Variants in TMEM218 observed in about 807,000 individuals in gnomAD.
TMEM218 encodes the protein transmembrane protein 218.
Under a neutral mutation model 10.0 loss-of-function variants are expected in TMEM218, and 8 were observed. The observed-to-expected ratio is 0.80, with a 90% confidence interval of 0.47 to 1.44. The LOEUF (loss-of-function observed/expected upper bound fraction) is 1.44. TMEM218 is among the 40% of genes most tolerant of loss of function. The probability of loss-of-function intolerance (pLI) is 0.00; values close to 1 mark genes in which losing one functional copy is unlikely to be tolerated. For missense variants in TMEM218, 110 were observed against 140.1 expected, an observed-to-expected ratio of 0.79 and a Z score of 1.08; for synonymous variants, 66 against 63.5, an observed-to-expected ratio of 1.04 and a Z score of -0.18.
chr11:125,099,825 G>A (rs771730265), intron 4 of TMEM218, among the ~76,000 whole-genome samples: 2 of 151,374 alleles, frequency 1.3e-5, no homozygotes, highest in Non-Finnish European at 2.9e-5. Flanking sequence ...TCGGGAGGCT[G>A]AGGCAGGAGA....
chr11:125,101,741 G>C, intron 3 of TMEM218: 1 of 497,502 alleles, frequency 2.0e-6, no homozygotes, highest in Admixed American at 3.8e-5. Context: ...TGAAGGCAAT[G>C]CCTGATATAG....
At position 125,097,192 on chromosome 11, in the gene TMEM218, C is replaced by T. The variant is rs1949755582; in HGVS notation, c.*414G>A. ...TAACCTTTCAAATTTGAGTGCCTCT[C>T]CTTTGCAAACAACTGCAACCTCATA... On this transcript the variant is annotated 3_prime_UTR_variant, in exon 5 of 5. Coordinates refer to ENST00000682305, the MANE Select transcript of TMEM218 (RefSeq NM_001258244.2). The T allele has an allele frequency of 1.3e-5, 2 of 153,400 alleles. No homozygotes were observed. The allele number at this position is 153,400 out of a possible 1,614,324, so 9.5% of individuals were successfully genotyped here. A position where few individuals can be genotyped will look rare whatever the true frequency, so the allele number is the denominator to read the frequency against.
intron 2 of TMEM218, 43 bp downstream of exon 2, chr11:125,102,691 T>C: frequency 7.7e-7 from 1 of 1,291,428 alleles, no homozygotes; most frequent in Non-Finnish European, 1.0e-6. Flanking sequence ...AAAGCAGAAG[T>C]TGAAGCTCTC....
rs557729992 is a variant in TMEM218 at position 125,108,980 on chromosome 11, A to C, written c.-153+2559T>G. Among the ~76,000 whole-genome samples, 2 of 152,346 alleles carry C rather than the reference A, an allele frequency of 1.3e-5. No homozygotes were observed. Among genetic ancestry groups the C allele is most frequent in the East Asian group, 3.9e-4 (2 of 5,192 alleles). On this transcript the variant is annotated intron_variant, in intron 1 of 4. Transcript: ENST00000682305. This position sits in a 1 kb window ranked among gnomAD's most constrained non-coding sequence, Gnocchi z 5.3. ...TCCAAAACACCCTAAAACGGGCAGC[A>C]ACATCTTCTTGGGGAACCACTGTTC...
rs557424955 is a variant in TMEM218, at chr11:125,095,826, G to A, written c.*1780C>T. Among the ~76,000 whole-genome samples the A allele has an allele frequency of 2.0e-5, 3 of 152,188 alleles. No individual in the cohort carries two copies. The East Asian group carries it at 5.8e-4, about 29-fold the overall frequency. On this transcript the variant is annotated 3_prime_UTR_variant, in exon 5 of 5. Coordinates refer to ENST00000682305, the MANE Select transcript of TMEM218 (RefSeq NM_001258244.2). ...GATCTAATAGTTGAATAACTTTTGG[G>A]GGGAATAAAAAAGATGGATTCATGG...
chr11:125,102,056 T>G (rs1447614657), intron 3 of TMEM218, 76 bp downstream of exon 3: 2 of 1,426,320 alleles, frequency 1.4e-6, no homozygotes, highest in Non-Finnish European at 1.8e-6. Context: ...TCTTAAATTC[T>G]AAATGTTTAG....
rs527958621 is a variant in TMEM218 at position 125,108,762 on chromosome 11, G to A, written c.-153+2777C>T. ...AATACATTATGTTTATACAAAAACC[G>A]GAGTTAGGCTCTACACTCAGATAAT... On this transcript the variant is annotated intron_variant, in intron 1 of 4. Transcript: ENST00000682305. The surrounding 1 kb of genome is among the most constrained non-coding windows in gnomAD (Gnocchi z 5.3). Among the ~76,000 whole-genome samples, 2 of 152,166 alleles carry A rather than the reference G, an allele frequency of 1.3e-5. No homozygotes were observed. The highest frequency in any genetic ancestry group is 4.8e-5 in the African/African-American group (2 of 41,508).
At chr11:125,102,569 G>A in intron 2 of TMEM218, 165 bp downstream of exon 2, 1 of 1,348,888 alleles carries the variant, frequency 7.4e-7, no homozygotes, top group Non-Finnish European at 9.7e-7. Context: ...TGGTACCTGA[G>A]TTCTACTTTG....
chr11:125,111,501 CTT>C (rs747707596), intron 1 of TMEM218, 36 bp downstream of exon 1: 1 of 152,796 alleles, frequency 6.5e-6, no homozygotes, highest in Non-Finnish European at 1.5e-5. Context: ...CGACCCTCCA[CTT>C]TTCTCCCTTC....
At chr11:125,102,473 C>T in intron 2 of TMEM218, 156 bp from the exon 3 acceptor site, 1 of 1,477,154 alleles carries the variant, frequency 6.8e-7, no homozygotes. Context: ...AAATTTAGAA[C>T]CCAAAGCCTT....
intron 1 of TMEM218, chr11:125,104,131 C>A (rs975267691): frequency 1.3e-5 from 2 of 152,126 alleles, no homozygotes; most frequent in Non-Finnish European, 2.9e-5. Context: ...AGGGGCTTTA[C>A]AAAGGAAATA....
At position 125,096,386 on chromosome 11, in the gene TMEM218, AGT is replaced by A. The variant is rs1475478633; in HGVS notation, c.*1218_*1219del. Among the ~76,000 whole-genome samples the A allele has an allele frequency of 6.6e-6, 1 of 152,170 alleles. No homozygotes were observed. The highest frequency in any genetic ancestry group is 1.5e-5 in the Non-Finnish European group (1 of 68,024). ...TCTCAATCAGAGTTCCACAAACCCT[AGT>A]GTGTTTTCTCTCTGAGACAAGCCCT... is the stretch of plus-strand genomic sequence containing the variant. On this transcript the variant is annotated 3_prime_UTR_variant, in exon 5 of 5. Transcript: ENST00000682305.
chr11:125,106,539 A>C (rs1306586008), intron 1 of TMEM218, among the ~76,000 whole-genome samples: 1 of 152,216 alleles, frequency 6.6e-6, no homozygotes, highest in Non-Finnish European at 1.5e-5. Flanking sequence ...AAGAATAAAC[A>C]CTTGAGAAAG....
At chr11:125,099,873 G>A (rs145661732) in intron 4 of TMEM218, among the ~76,000 whole-genome samples, 3,808 of 142,310 alleles carry the variant, frequency 0.027, 158 homozygotes, top group African/African-American at 0.09. Flanking sequence ...GCAGTGTGCC[G>A]AGATCATGCC....
Position 125,102,124 on chromosome 11 carries a change from T to G in TMEM218, c.110+8A>C. Reference sequence around the variant, plus strand: ...ACCTAGGACTCCCAGTTGGACAGAATGCCTTACCTCGCCGCCCCGGAGGCT... The same window carrying G: ...ACCTAGGACTCCCAGTTGGACAGAAGGCCTTACCTCGCCGCCCCGGAGGCT... On this transcript the variant is annotated splice_region_variant and intron_variant, in intron 3 of 4. Transcript: ENST00000682305. 1 of 1,542,742 alleles carries G rather than the reference T, an allele frequency of 6.5e-7. No homozygotes were observed. The highest frequency in any genetic ancestry group is 8.7e-7 in the Non-Finnish European group (1 of 1,149,516).
chr11:125,107,674 GAAAC>G (rs980261990), intron 1 of TMEM218, among the ~76,000 whole-genome samples: 3 of 152,018 alleles, frequency 2.0e-5, no homozygotes, highest in Non-Finnish European at 2.9e-5. Flanking sequence ...GGGCTGACAT[GAAAC>G]AAGACTGGTC....
At chr11:125,106,357 G>A (rs1480068847) in intron 1 of TMEM218, among the ~76,000 whole-genome samples, 2 of 151,758 alleles carry the variant, frequency 1.3e-5, no homozygotes, top group East Asian at 1.9e-4. Flanking sequence ...AGTGACAAAA[G>A]GAACCATTCA....
chr11:125,110,444 A>C (rs1953542367), intron 1 of TMEM218: 1 of 152,238 alleles, frequency 6.6e-6, no homozygotes, highest in African/African-American at 2.4e-5. Context: ...GAGTTTGTTC[A>C]AAACCTTTTA....
intron 3 of TMEM218, chr11:125,101,749 T>C (rs904645196): frequency 4.0e-6 from 2 of 497,520 alleles, no homozygotes; most frequent in Non-Finnish European, 3.5e-6. Flanking sequence ...ATGCCTGATA[T>C]AGAAAGCAGG....
Sources: allele counts gnomAD v4.1 joint callset (sites outside exome capture counted in the v4.1 genomes callset), GRCh38; gene constraint gnomAD v4.1.1; non-coding constraint Gnocchi (gnomAD v3.1); transcripts MANE v1.5; gene names NCBI Gene and HGNC (gene_info 2026-07-23, HGNC 2026-07-21).